RARB: variants seen among roughly 807,000 people sequenced by gnomAD.
RARB encodes the protein retinoic acid receptor beta, also known as HBV-activated protein.
In RARB, 17 loss-of-function variants were observed where a neutral mutation model predicts 51.9. The ratio of observed to expected loss-of-function variants is 0.33; its 90% CI spans 0.22 to 0.49. The LOEUF is 0.49. Among genes scored for constraint, RARB ranks in the 20% least tolerant of loss-of-function variants. The pLI, the probability that RARB is intolerant of heterozygous loss-of-function variation, is 0.99. For synonymous variants in RARB, 215 were observed against 195.4 expected (o/e 1.10, Z -0.84); for missense variants, 369 against 550.8 (o/e 0.67, Z 3.30).
chr3:25,142,249 G>A (rs746206564), intron 4 of RARB, among the ~76,000 whole-genome samples: 8 of 152,144 alleles, frequency 5.3e-5, no homozygotes, highest in Non-Finnish European at 1.0e-4. Context: ...CAGGAGAATC[G>A]CTTGAACCTG....
At chr3:25,049,044 G>C (rs942987833) in intron 2 of RARB, among the ~76,000 whole-genome samples, 3 of 152,094 alleles carry the variant, frequency 2.0e-5, no homozygotes, top group South Asian at 2.1e-4. Context: ...GAGCCACCGC[G>C]CCCAGCTCCA....
chr3:24,941,190 A>G (rs1326093948), intron 2 of RARB, among the ~76,000 whole-genome samples: 3 of 151,072 alleles, frequency 2.0e-5, no homozygotes, highest in Non-Finnish European at 4.4e-5. Flanking sequence ...GGATAGGGAA[A>G]TTCATCAGAA....
chr3:25,311,183 A>G (rs971666802), intron 5 of RARB, among the ~76,000 whole-genome samples: 1 of 152,238 alleles, frequency 6.6e-6, no homozygotes, highest in African/African-American at 2.4e-5. Context: ...GCAGGCATAA[A>G]GGAGAGGCAT....
intron 5 of RARB, among the ~76,000 whole-genome samples, chr3:25,590,314 C>A (rs1701566076): frequency 6.6e-6 from 1 of 152,210 alleles, no homozygotes; most frequent in African/African-American, 2.4e-5. Context: ...GAGTTATTGG[C>A]AATTTGCAAT....
At chr3:25,435,050 G>C (rs533068112) in intron 1 of RARB, among the ~76,000 whole-genome samples, 1 of 152,202 alleles carries the variant, frequency 6.6e-6, no homozygotes, top group South Asian at 2.1e-4. Context: ...TGGAGGAGGA[G>C]AAAAGTCAAA....
At chr3:25,305,880 T>G (rs1400148652) in intron 5 of RARB, among the ~76,000 whole-genome samples, 1 of 152,218 alleles carries the variant, frequency 6.6e-6, no homozygotes, top group Non-Finnish European at 1.5e-5. Context: ...ATTTGAAACA[T>G]ATAAACATTC....
At chr3:24,886,502 T>G (rs1044294716) in intron 2 of RARB, among the ~76,000 whole-genome samples, 9 of 151,542 alleles carry the variant, frequency 5.9e-5, no homozygotes, top group Non-Finnish European at 1.2e-4. Context: ...TGATATGCAG[T>G]GGCATAATCA....
intron 2 of RARB, among the ~76,000 whole-genome samples, chr3:24,888,069 A>C (rs1165864533): frequency 6.6e-6 from 1 of 152,210 alleles, no homozygotes; most frequent in African/African-American, 2.4e-5. Flanking sequence ...TAATGATTAA[A>C]GTACTATGAG....
chr3:25,254,769 G>C (rs929417527), intron 5 of RARB, among the ~76,000 whole-genome samples: 1 of 152,056 alleles, frequency 6.6e-6, no homozygotes, highest in Non-Finnish European at 1.5e-5. Flanking sequence ...AAATGAAATA[G>C]GATAAAGAAG....
At chr3:24,840,180 C>T (rs1702402055) in intron 1 of RARB, among the ~76,000 whole-genome samples, 1 of 152,290 alleles carries the variant, frequency 6.6e-6, no homozygotes. Flanking sequence ...AGTATTACTG[C>T]TATGGTTCTT....
Position 25,428,763 on chromosome 3 carries a change from G to A in RARB, c.32G>A (p.Ser11Asn). 1 of 1,614,106 alleles carries A rather than the reference G, an allele frequency of 6.2e-7. No individual in the cohort carries two copies. Among genetic ancestry groups the A allele is most frequent in the South Asian group, 1.1e-5 (1 of 91,072 alleles). MFDCMDVLSV[S>N]PGQILDFYTA... ...GACTGTATGGATGTTCTGTCAGTGA[G>A]TCCTGGGCAAATCCTGGATTTCTAC... Residue 11 changes from serine to asparagine, a missense_variant, in exon 1 of 8, where the codon AGT becomes AAT. Around this residue, in one of 9 missense-constraint regions of RARB, gnomAD observed 99 missense variants for 95.1 expected, o/e 1.04. Coordinates refer to ENST00000330688, the MANE Select transcript of RARB (RefSeq NM_000965.5).
chr3:25,088,573 T>C (rs1037489806), intron 3 of RARB, among the ~76,000 whole-genome samples: 1 of 152,090 alleles, frequency 6.6e-6, no homozygotes, highest in Admixed American at 6.6e-5. Context: ...ATATACCCAA[T>C]GGGAGGCCAT....
intron 3 of RARB, among the ~76,000 whole-genome samples, chr3:25,558,082 G>A (rs770295338): frequency 3.3e-5 from 5 of 152,094 alleles, no homozygotes; most frequent in Non-Finnish European, 7.4e-5. Flanking sequence ...TGGATTCTCC[G>A]GGAAGTTCAA....
At chr3:25,074,812 C>T (rs548933085) in intron 3 of RARB, among the ~76,000 whole-genome samples, 1 of 152,286 alleles carries the variant, frequency 6.6e-6, no homozygotes, top group Admixed American at 6.5e-5. Context: ...ATGTGTCTTT[C>T]TTCTGCTTAA....
chr3:24,959,812 G>A (rs1295227463), intron 2 of RARB, among the ~76,000 whole-genome samples: 2 of 152,228 alleles, frequency 1.3e-5, no homozygotes, highest in African/African-American at 4.8e-5. Context: ...AGGCAGGAAG[G>A]AGAAGCACCT....
chr3:25,335,167 T>TC (rs1705028246), intron 5 of RARB, among the ~76,000 whole-genome samples: 1 of 152,122 alleles, frequency 6.6e-6, no homozygotes, highest in African/African-American at 2.4e-5. Flanking sequence ...TGTATAGGTT[T>TC]GGTGGGAGGC....
chr3:24,950,729 G>T (rs886665042), intron 2 of RARB, among the ~76,000 whole-genome samples: 2 of 143,970 alleles, frequency 1.4e-5, no homozygotes, highest in East Asian at 3.9e-4. Flanking sequence ...AAAAAAAAAG[G>T]TGATTTGGCA....
At chr3:25,205,185 G>C (rs1368381549) in intron 5 of RARB, among the ~76,000 whole-genome samples, 1 of 152,150 alleles carries the variant, frequency 6.6e-6, no homozygotes. Context: ...TGCTGTGCTA[G>C]CAATGAGCGA....
intron 5 of RARB, among the ~76,000 whole-genome samples, chr3:25,297,578 C>T (rs1470360586): frequency 1.3e-5 from 2 of 151,780 alleles, no homozygotes; most frequent in African/African-American, 4.8e-5. Flanking sequence ...TATCAAAAAC[C>T]TAATTCATAA....
Sources: allele counts gnomAD v4.1 joint callset (sites outside exome capture counted in the v4.1 genomes callset), GRCh38; gene constraint gnomAD v4.1.1; regional missense constraint gnomAD v4.1.1; transcripts MANE v1.5; gene names NCBI Gene and HGNC (gene_info 2026-07-23, HGNC 2026-07-21).